The following TNS4 variants were observed in gnomAD, a reference collection of about 807,000 sequenced individuals.
TNS4 encodes the protein tensin 4, also known as tensin-4.
Under a neutral mutation model 70.4 loss-of-function variants are expected in TNS4, and 46 were observed. That is an observed-to-expected ratio of 0.65 (90% CI 0.52 to 0.84). The LOEUF is 0.84. TNS4 is among the 40% of genes least tolerant of loss of function. The pLI, the probability that TNS4 is intolerant of heterozygous loss-of-function variation, is 0.00. For missense variants in TNS4, 863 were observed against 907.0 expected (o/e 0.95, Z 0.62); for synonymous variants, 390 against 366.6 (o/e 1.06, Z -0.73).
chr17:40,487,579 A>C, intron 3 of TNS4, 119 bp from the exon 4 acceptor site: 1 of 1,028,520 alleles, frequency 9.7e-7, no homozygotes, highest in Admixed American at 2.7e-5. Context: ...AGAACACTGC[A>C]TACCCCACCC....
At chr17:40,501,226 C>A (rs1036813615) in intron 1 of TNS4, among the ~76,000 whole-genome samples, 6 of 152,280 alleles carry the variant, frequency 3.9e-5, no homozygotes, top group African/African-American at 1.4e-4. Flanking sequence ...GTGGGAGGAT[C>A]ACCTGAGGTC....
chr17:40,480,299 G>GCCTC (rs2035904815), intron 9 of TNS4, among the ~76,000 whole-genome samples: 1 of 152,248 alleles, frequency 6.6e-6, no homozygotes, highest in East Asian at 1.9e-4. Context: ...GCCTCTGGGA[G>GCCTC]TGTGGGTCAG....
rs1008452032 is a variant in TNS4 at position 40,486,982 on chromosome 17, A to G, written c.1288+54T>C. 3 of 1,589,198 alleles carry G rather than the reference A, an allele frequency of 1.9e-6. No individual in the cohort carries two copies. The African/African-American group carries it at 4.0e-5, about 21-fold the overall frequency. On this transcript the variant is annotated intron_variant, in intron 4 of 12. Transcript: ENST00000254051. ...CTGGCTGTTGCAGAAACCCACTGGC[A>G]CTTTGTCTATTCCCCAAATCTTACA...
At position 40,482,044 on chromosome 17, in the gene TNS4, C is replaced by A; in HGVS notation, c.1672+85G>T. On this transcript the variant is annotated intron_variant, in intron 8 of 12. Coordinates refer to ENST00000254051, the MANE Select transcript of TNS4 (RefSeq NM_032865.6). ...TTAACCGTGACACTAAAATAATCCA[C>A]CAACAAGGTAGGAGTGAACCCCATT... is the stretch of plus-strand genomic sequence containing the variant. The A allele has an allele frequency of 3.4e-6, 5 of 1,461,110 alleles. No individual in the cohort carries two copies. The South Asian group carries it at 6.0e-5, about 18-fold the overall frequency. The allele number at this position is 1,461,110 out of a possible 1,614,324, so 90.5% of individuals were successfully genotyped here. A position where few individuals can be genotyped will look rare whatever the true frequency, so the allele number is the denominator to read the frequency against.
intron 9 of TNS4, 98 bp from the exon 10 acceptor site, chr17:40,479,940 TC>T: frequency 1.4e-6 from 2 of 1,410,392 alleles, no homozygotes; most frequent in Non-Finnish European, 1.9e-6. Context: ...TGTTCAGGAA[TC>T]CAGTGGAGCT....
At position 40,477,488 on chromosome 17, in the gene TNS4, T is replaced by C; in HGVS notation, c.*100A>G. On this transcript the variant is annotated 3_prime_UTR_variant, in exon 13 of 13. Coordinates refer to ENST00000254051, the MANE Select transcript of TNS4 (RefSeq NM_032865.6). ...CAATCCCCCTAGTCCCATAGATTGG[T>C]CTGTCAATATGGCCACAAGCCACAC... is the stretch of plus-strand genomic sequence containing the variant. The C allele has an allele frequency of 6.6e-7, 1 of 1,506,504 alleles. No homozygotes were observed. Among genetic ancestry groups the C allele is most frequent in the Non-Finnish European group, 9.0e-7 (1 of 1,111,236 alleles). 93.3% of individuals were successfully genotyped at this position (1,506,504 alleles called of 1,614,324 possible). A position where few individuals can be genotyped will look rare whatever the true frequency, so the allele number is the denominator to read the frequency against.
chr17:40,499,746 C>T (rs964985663), intron 1 of TNS4, among the ~76,000 whole-genome samples: 1 of 152,250 alleles, frequency 6.6e-6, no homozygotes, highest in African/African-American at 2.4e-5. Flanking sequence ...GCCGGAACCA[C>T]GGCTTTTTCC....
At chr17:40,493,939 T>C (rs2143823278) in intron 2 of TNS4, among the ~76,000 whole-genome samples, 1 of 152,370 alleles carries the variant, frequency 6.6e-6, no homozygotes, top group East Asian at 1.9e-4. Context: ...CCAACAGTAA[T>C]TAGGCCCAAG....
intron 6 of TNS4, among the ~76,000 whole-genome samples, chr17:40,483,195 G>A (rs958672123): frequency 4.0e-5 from 6 of 151,890 alleles, no homozygotes; most frequent in Admixed American, 3.3e-4. Context: ...CTCCTGCTTC[G>A]GCCTAGGGAT....
chr17:40,481,904 G>A (rs1196188941), intron 8 of TNS4, among the ~76,000 whole-genome samples: 1 of 152,232 alleles, frequency 6.6e-6, no homozygotes, highest in Non-Finnish European at 1.5e-5. Flanking sequence ...CTTTCGGTCT[G>A]CACAGCAATC....
chr17:40,484,981 T>G lies in TNS4; in HGVS notation c.1315A>C (p.Met439Leu), dbSNP rs778789511. 6.2e-7 allele frequency: 1 copy of G among 1,614,210 alleles called. No homozygotes were observed. Among genetic ancestry groups the G allele is most frequent in the Admixed American group, 1.7e-5 (1 of 60,024 alleles). Residue 439 changes from methionine (M) to leucine (L), a missense_variant, in exon 5 of 13, where the codon ATG becomes CTG. Transcript: ENST00000254051. ...TTAGATGTGTCCATCACGAACTTCA[T>G]GGTGGGCTGCATGTCCCTGGCGGGA... ...EGPARDMQPT[M>L]KFVMDTSKYW... is the part of the protein sequence containing the mutation.
intron 3 of TNS4, 75 bp from the exon 4 acceptor site, chr17:40,487,535 G>T (rs2036007384): frequency 8.1e-6 from 12 of 1,483,006 alleles, no homozygotes; most frequent in Non-Finnish European, 1.1e-5. Flanking sequence ...TCCGGATCTG[G>T]TGATCTGGGT....
At position 40,496,045 on chromosome 17, in the gene TNS4, C is replaced by T. The variant is rs779251479; in HGVS notation, c.381G>A (p.Gln127=). The T allele has an allele frequency of 2.5e-6, 4 of 1,613,586 alleles. No individual in the cohort carries two copies. Among genetic ancestry groups the T allele is most frequent in the East Asian group, 2.2e-5 (1 of 44,872 alleles). The part of the protein sequence containing the change: ...QLLPPGTGGS[Q]AELAQSTMSM... ...ACATGGTGCTCTGGGCCAGCTCAGC[C>T]TGGGAGCCCCCAGTCCCTGGGGGAA... The change falls in exon 2 of 13, where the codon CAG becomes CAA. Residue 127 remains glutamine, a synonymous_variant. Coordinates refer to ENST00000254051, the MANE Select transcript of TNS4 (RefSeq NM_032865.6).
intron 1 of TNS4, 26 bp from the exon 2 acceptor site, chr17:40,496,546 G>C: frequency 9.4e-7 from 1 of 1,069,368 alleles, no homozygotes; most frequent in Non-Finnish European, 1.3e-6. Flanking sequence ...AGTGGGAACG[G>C]AGTAATTTCT....
intron 2 of TNS4, among the ~76,000 whole-genome samples, chr17:40,492,942 G>T (rs1232465908): frequency 6.6e-6 from 1 of 152,054 alleles, no homozygotes; most frequent in Non-Finnish European, 1.5e-5. Flanking sequence ...TGCTACTCAG[G>T]AGTCTGAGCT....
intron 6 of TNS4, 75 bp from the exon 7 acceptor site, chr17:40,482,491 C>A: frequency 6.8e-7 from 1 of 1,461,746 alleles, no homozygotes; most frequent in South Asian, 1.1e-5. Context: ...CGCCTGTAAT[C>A]CCAGCACTTT....
In TNS4 at chr17:40,487,031, C is replaced by G. The variant is rs745959869; in HGVS notation, c.1288+5G>C. ...CATTGCTTCAAATATTGGTTTACGA[C>G]GTACCCTCTGGGCATGTGGTAAAGG... On this transcript the variant is annotated splice_donor_5th_base_variant and intron_variant, in intron 4 of 12. Transcript: ENST00000254051. 1.4e-5 allele frequency: 23 copies of G among 1,612,588 alleles called. No homozygotes were observed. The highest frequency in any genetic ancestry group is 2.0e-5 in the Non-Finnish European group (23 of 1,178,714).
At chr17:40,484,313 C>G (rs1325375235) in intron 6 of TNS4, among the ~76,000 whole-genome samples, 171 bp downstream of exon 6, 1 of 152,112 alleles carries the variant, frequency 6.6e-6, no homozygotes, top group East Asian at 1.9e-4. Flanking sequence ...TTTCAGGGTG[C>G]CTTGGGGCTG....
At chr17:40,481,067 C>G (rs2035916045) in intron 8 of TNS4, among the ~76,000 whole-genome samples, 1 of 152,110 alleles carries the variant, frequency 6.6e-6, no homozygotes, top group Non-Finnish European at 1.5e-5. Context: ...TCTTTTGGAC[C>G]CTGTCTCAAC....
Sources: allele counts gnomAD v4.1 joint callset (sites outside exome capture counted in the v4.1 genomes callset), GRCh38; gene constraint gnomAD v4.1.1; transcripts MANE v1.5; gene names NCBI Gene and HGNC (gene_info 2026-07-23, HGNC 2026-07-21).